The following MTREX variants were observed in gnomAD, a reference collection of about 807,000 sequenced individuals.
MTREX encodes the protein Mtr4 exosome RNA helicase, also known as exosome RNA helicase MTR4.
A neutral mutation model predicts 135.4 loss-of-function variants in MTREX; 76 were observed. The observed-to-expected ratio is 0.56, with a 90% CI of 0.47 to 0.68. MTREX has a LOEUF of 0.68. MTREX is among the 30% of genes least tolerant of loss of function. The probability of loss-of-function intolerance (pLI) is 0.00; values close to 1 mark genes in which losing one functional copy is unlikely to be tolerated. For synonymous variants in MTREX, 404 were observed against 401.6 expected (o/e 1.01, Z -0.07); for missense variants, 920 against 1,262.1 (o/e 0.73, Z 4.11).
chr5:55,358,782 A>T, intron 15 of MTREX, 84 bp downstream of exon 15: 2 of 1,150,932 alleles, frequency 1.7e-6, no homozygotes, highest in Non-Finnish European at 2.4e-6. Flanking sequence ...TGTGTCAGTC[A>T]GACACCTAAG....
intron 15 of MTREX, among the ~76,000 whole-genome samples, chr5:55,364,894 G>A (rs10040545): frequency 0.13 from 19,592 of 152,166 alleles, 1,501 homozygotes; most frequent in East Asian, 0.26. Flanking sequence ...ATGAGGAAGA[G>A]CAAGAGAGAG....
chr5:55,408,796 G>A (rs894455084), intron 22 of MTREX, among the ~76,000 whole-genome samples: 8 of 152,024 alleles, frequency 5.3e-5, no homozygotes, highest in African/African-American at 1.7e-4. Context: ...CAAATCAGAA[G>A]ATAAACACAA....
chr5:55,324,004 A>T (rs751660088), intron 2 of MTREX, 128 bp from the exon 3 acceptor site: 3 of 655,448 alleles, frequency 4.6e-6, no homozygotes, highest in Non-Finnish European at 8.1e-6. Context: ...TTAATAGCCA[A>T]AGTTTTTCCT....
intron 12 of MTREX, among the ~76,000 whole-genome samples, chr5:55,350,030 C>CCTTA (rs1307955179): frequency 6.6e-6 from 1 of 152,164 alleles, no homozygotes. Flanking sequence ...ACCTACTTTG[C>CCTTA]CTTAATCCAG....
intron 21 of MTREX, among the ~76,000 whole-genome samples, chr5:55,402,187 C>A (rs940353369): frequency 7.2e-5 from 11 of 152,220 alleles, no homozygotes; most frequent in African/African-American, 2.7e-4. Flanking sequence ...ATACTGGCTG[C>A]ATGCTCAGTG....
At chr5:55,387,611 TAAGC>T (rs1372366776) in intron 18 of MTREX, among the ~76,000 whole-genome samples, 1 of 152,094 alleles carries the variant, frequency 6.6e-6, no homozygotes, top group Non-Finnish European at 1.5e-5. Context: ...GCTAGCATAA[TAAGC>T]AATAAAATAA....
intron 16 of MTREX, among the ~76,000 whole-genome samples, chr5:55,374,597 C>T (rs1579878225): frequency 6.6e-6 from 1 of 152,108 alleles, no homozygotes; most frequent in Non-Finnish European, 1.5e-5. Flanking sequence ...GCCAAAAAAA[C>T]ACTTGTGTTT....
At chr5:55,317,437 T>C (rs1343369597) in intron 1 of MTREX, among the ~76,000 whole-genome samples, 1 of 152,142 alleles carries the variant, frequency 6.6e-6, no homozygotes, top group African/African-American at 2.4e-5. Context: ...ACAGGCACAT[T>C]GAACAATGGA....
chr5:55,341,990 A>G (rs894952186), intron 7 of MTREX, among the ~76,000 whole-genome samples: 11 of 152,074 alleles, frequency 7.2e-5, no homozygotes, highest in Admixed American at 5.9e-4. Context: ...CCTAGGTAGG[A>G]TCATGGTTCG....
intron 5 of MTREX, among the ~76,000 whole-genome samples, chr5:55,335,726 T>A (rs1213764424): frequency 1.3e-5 from 2 of 152,124 alleles, no homozygotes; most frequent in African/African-American, 2.4e-5. Context: ...TTTTAAAAAC[T>A]GGGCACTTCC....
chr5:55,369,692 C>T (rs1309051545), intron 16 of MTREX, among the ~76,000 whole-genome samples: 1 of 152,110 alleles, frequency 6.6e-6, no homozygotes, highest in African/African-American at 2.4e-5. Flanking sequence ...AACCTTTTAC[C>T]TGAGGAATGG....
At chr5:55,376,595 T>A (rs988290836) in intron 16 of MTREX, among the ~76,000 whole-genome samples, 2 of 152,218 alleles carry the variant, frequency 1.3e-5, no homozygotes, top group Non-Finnish European at 2.9e-5. Flanking sequence ...CTGTAGCACT[T>A]CATTAATGAA....
chr5:55,348,753 A>C (rs1490588274), intron 11 of MTREX, among the ~76,000 whole-genome samples: 1 of 152,192 alleles, frequency 6.6e-6, no homozygotes, highest in African/African-American at 2.4e-5. Flanking sequence ...GTGCCGAATA[A>C]ACTTAAAGTT....
intron 8 of MTREX, 132 bp from the exon 9 acceptor site, chr5:55,344,390 T>G (rs1749697840): frequency 9.6e-6 from 6 of 627,986 alleles, no homozygotes; most frequent in Non-Finnish European, 1.7e-5. Context: ...TTTTAGTGAA[T>G]TTTTTGAAGT....
At chr5:55,311,211 A>G (rs1749106471) in intron 1 of MTREX, among the ~76,000 whole-genome samples, 1 of 152,158 alleles carries the variant, frequency 6.6e-6, no homozygotes, top group South Asian at 2.1e-4. Context: ...GTCTATTCCT[A>G]CATCTTTTTT....
chr5:55,357,548 C>G (rs1461878356), intron 14 of MTREX: 1 of 153,794 alleles, frequency 6.5e-6, no homozygotes, highest in Non-Finnish European at 1.5e-5. Flanking sequence ...GGCATCTTCT[C>G]CAGTGAGGCT....
At chr5:55,374,371 T>C (rs530516985) in intron 16 of MTREX, among the ~76,000 whole-genome samples, 2 of 151,360 alleles carry the variant, frequency 1.3e-5, no homozygotes, top group Non-Finnish European at 2.9e-5. Flanking sequence ...CACTGTAGCC[T>C]CAACCTCCTG....
At chr5:55,372,678 AG>A (rs1343344765) in intron 16 of MTREX, among the ~76,000 whole-genome samples, 2 of 152,206 alleles carry the variant, frequency 1.3e-5, no homozygotes, top group Non-Finnish European at 2.9e-5. Flanking sequence ...CTGAAACAAA[AG>A]GATTGCAACA....
At position 55,338,786 on chromosome 5, in the gene MTREX, C is replaced by CTTTTTTT. The variant is rs67612518; in HGVS notation, c.516-1208_516-1202dup. Among the ~76,000 whole-genome samples, 338 of 92,210 alleles carry CTTTTTTT rather than the reference C, an allele frequency of 3.7e-3. 1 individual carries two copies. Among genetic ancestry groups the CTTTTTTT allele is most frequent in the East Asian group, 5.0e-3 (14 of 2,828 alleles). 60.5% of individuals were successfully genotyped at this position (92,210 alleles called of 152,430 possible). A position where few individuals can be genotyped will look rare whatever the true frequency, so the allele number is the denominator to read the frequency against. On this transcript the variant is annotated intron_variant, in intron 5 of 26. Coordinates refer to ENST00000230640, the MANE Select transcript of MTREX (RefSeq NM_015360.5). ...TTGTTAATCTGTAGACTTTCTTTTTCTTTTTTTTTTTTTTTTTTTTTTGAG... is the reference window on the plus strand; with the variant it reads ...TTGTTAATCTGTAGACTTTCTTTTTCTTTTTTTTTTTTTTTTTTTTTTTTTTTTTGAG...
Sources: allele counts gnomAD v4.1 joint callset (sites outside exome capture counted in the v4.1 genomes callset), GRCh38; gene constraint gnomAD v4.1.1; transcripts MANE v1.5; gene names NCBI Gene and HGNC (gene_info 2026-07-23, HGNC 2026-07-21).